XPR1: variants seen among roughly 807,000 people sequenced by gnomAD.
XPR1 encodes solute carrier family 53 member 1.
XPR1 carries 28 observed loss-of-function variants against 87.5 expected under a neutral mutation model. The observed-to-expected ratio is 0.32, with a 90% CI of 0.24 to 0.44. The LOEUF (loss-of-function observed/expected upper bound fraction) is 0.44, where lower values mean the gene tolerates loss of function less well. XPR1 is among the 20% of genes least tolerant of loss of function. XPR1 has a pLI of 1.00. For synonymous variants in XPR1, 300 were observed against 306.1 expected, an observed-to-expected ratio of 0.98 and a Z score of 0.21; for missense variants, 559 against 862.3, an observed-to-expected ratio of 0.65 and a Z score of 4.41.
chr1:180,694,771 GTGCACACACA>G (rs1215173765), intron 2 of XPR1, among the ~76,000 whole-genome samples: 1 of 93,756 alleles, frequency 1.1e-5, no homozygotes, highest in Non-Finnish European at 2.1e-5. Flanking sequence ...TGATTGTTGT[GTGCACACACA>G]CACACACACA....
At chr1:180,662,761 A>T (rs910024845) in intron 1 of XPR1, among the ~76,000 whole-genome samples, 1 of 152,072 alleles carries the variant, frequency 6.6e-6, no homozygotes, top group African/African-American at 2.4e-5. Context: ...AGTAATTCTT[A>T]GATTTGCCCT....
At chr1:180,770,196 C>T (rs1205996736) in intron 2 of XPR1, among the ~76,000 whole-genome samples, 2 of 152,030 alleles carry the variant, frequency 1.3e-5, no homozygotes. Flanking sequence ...CTTTCAGTTA[C>T]ATGTTTAAAG....
At chr1:180,719,204 G>A (rs187950805) in intron 2 of XPR1, among the ~76,000 whole-genome samples, 165 of 152,222 alleles carry the variant, frequency 1.1e-3, no homozygotes, top group Non-Finnish European at 3.5e-4. Flanking sequence ...TGAGAACAGA[G>A]ATTCTAATTC....
At chr1:180,725,740 C>T (rs1006467103) in intron 2 of XPR1, among the ~76,000 whole-genome samples, 7 of 152,000 alleles carry the variant, frequency 4.6e-5, no homozygotes, top group Admixed American at 2.0e-4. Flanking sequence ...TCTGAATTTC[C>T]CCTGGCATCT....
chr1:180,863,235 A>T (rs1652276901), intron 11 of XPR1, among the ~76,000 whole-genome samples: 1 of 152,120 alleles, frequency 6.6e-6, no homozygotes, highest in Non-Finnish European at 1.5e-5. Context: ...GGTTGCCATC[A>T]TGATAAGTAT....
intron 2 of XPR1, among the ~76,000 whole-genome samples, chr1:180,768,133 C>T (rs1357036997): frequency 6.6e-6 from 1 of 152,140 alleles, no homozygotes; most frequent in African/African-American, 2.4e-5. Flanking sequence ...CATGAGCCAC[C>T]GTGCCCGGCC....
intron 13 of XPR1, among the ~76,000 whole-genome samples, chr1:180,879,646 C>T (rs1652782057): frequency 6.6e-6 from 1 of 152,200 alleles, no homozygotes; most frequent in Non-Finnish European, 1.5e-5. Context: ...TTAATGATGG[C>T]ATACTCTATT....
At chr1:180,882,512 C>G (rs1185329959) in intron 14 of XPR1, among the ~76,000 whole-genome samples, 1 of 152,066 alleles carries the variant, frequency 6.6e-6, no homozygotes, top group African/African-American at 2.4e-5. Context: ...CTGCACCCCT[C>G]TGCCCAGCTA....
intron 2 of XPR1, among the ~76,000 whole-genome samples, chr1:180,763,402 T>A (rs1020528919): frequency 6.6e-6 from 1 of 152,162 alleles, no homozygotes; most frequent in African/African-American, 2.4e-5. Context: ...ATTTTGTATG[T>A]CAAGTGAGGA....
chr1:180,837,420 A>G (rs1651333612), intron 11 of XPR1, among the ~76,000 whole-genome samples: 1 of 152,216 alleles, frequency 6.6e-6, no homozygotes, highest in Non-Finnish European at 1.5e-5. Flanking sequence ...GATGTTACTA[A>G]TTGAAATTAA....
intron 11 of XPR1, among the ~76,000 whole-genome samples, chr1:180,840,083 A>C (rs561487739): frequency 2.0e-4 from 31 of 151,552 alleles, no homozygotes; most frequent in Middle Eastern, 6.8e-3. Flanking sequence ...ATTAGCCGGG[A>C]GCGGTGGCGG....
At chr1:180,825,968 A>C (rs567838561) in intron 9 of XPR1, among the ~76,000 whole-genome samples, 5 of 152,222 alleles carry the variant, frequency 3.3e-5, no homozygotes, top group African/African-American at 1.2e-4. Context: ...GAGAATCGCT[A>C]GAACCCCAGA....
chr1:180,776,573 T>G (rs891284924), intron 2 of XPR1, among the ~76,000 whole-genome samples: 1 of 152,120 alleles, frequency 6.6e-6, no homozygotes, highest in African/African-American at 2.4e-5. Context: ...TTTAAATGTG[T>G]TCAAAATCAG....
At chr1:180,844,821 C>T (rs1194554180) in intron 11 of XPR1, among the ~76,000 whole-genome samples, 1 of 152,166 alleles carries the variant, frequency 6.6e-6, no homozygotes, top group Non-Finnish European at 1.5e-5. Context: ...ATGGCACTGA[C>T]AGAAACAAGA....
chr1:180,811,361 A>T (rs1468198320), intron 6 of XPR1, 46 bp from the exon 7 acceptor site: 1 of 1,436,870 alleles, frequency 7.0e-7, no homozygotes, highest in South Asian at 1.2e-5. Flanking sequence ...TAGTAAATAC[A>T]ATCAGTGTTT....
intron 2 of XPR1, among the ~76,000 whole-genome samples, chr1:180,687,866 C>T: frequency 6.6e-6 from 1 of 151,056 alleles, no homozygotes; most frequent in East Asian, 1.9e-4. Flanking sequence ...AGATATATTT[C>T]TGATATATTT....
At chr1:180,689,794 T>G (rs61809318) in intron 2 of XPR1, among the ~76,000 whole-genome samples, 25,024 of 152,148 alleles carry the variant, frequency 0.16, 2,884 homozygotes, top group African/African-American at 0.32. Context: ...CAGCTGGGTT[T>G]AGAGGATATT....
rs1652932006 is a variant in XPR1 at position 180,884,129 on chromosome 1, C to T, written c.*63C>T. 15 of 1,503,944 alleles carry T rather than the reference C, an allele frequency of 1.0e-5. No individual in the cohort carries two copies. Among genetic ancestry groups the T allele is most frequent in the Non-Finnish European group, 1.2e-5 (13 of 1,085,364 alleles). The allele number at this position is 1,503,944 out of a possible 1,614,324, so 93.2% of individuals were successfully genotyped here. A position where few individuals can be genotyped will look rare whatever the true frequency, so the allele number is the denominator to read the frequency against. The stretch of plus-strand genomic sequence containing the variant: ...ACTCTACAATCCTTTCCTCGACCAA[C>T]GCAACCTCTAGTACCTTTCCAGCCG... On this transcript the variant is annotated 3_prime_UTR_variant, in exon 15 of 15. Coordinates refer to ENST00000367590, the MANE Select transcript of XPR1 (RefSeq NM_004736.4).
intron 1 of XPR1, among the ~76,000 whole-genome samples, chr1:180,651,257 A>G (rs1655284821): frequency 6.6e-6 from 1 of 151,944 alleles, no homozygotes; most frequent in Non-Finnish European, 1.5e-5. Context: ...ACACCCAGCT[A>G]ATTTGTGTAT....
Sources: allele counts gnomAD v4.1 joint callset (sites outside exome capture counted in the v4.1 genomes callset), GRCh38; gene constraint gnomAD v4.1.1; transcripts MANE v1.5; gene names NCBI Gene and HGNC (gene_info 2026-07-23, HGNC 2026-07-21).